Variants in COMMD1 observed in about 807,000 individuals in gnomAD.
COMMD1 encodes the protein copper metabolism domain containing 1.
COMMD1 carries 10 observed loss-of-function variants against 17.2 expected under a neutral mutation model. The observed-to-expected ratio is 0.58, with a 90% CI of 0.36 to 0.99. The LOEUF (loss-of-function observed/expected upper bound fraction) is 0.99. Among genes scored for constraint, COMMD1 ranks in the 50% least tolerant of loss-of-function variants. The pLI, the probability that COMMD1 is intolerant of heterozygous loss-of-function variation, is 0.01. For missense variants in COMMD1, 270 were observed against 231.8 expected, an observed-to-expected ratio of 1.17 and a Z score of -1.07; for synonymous variants, 97 against 91.6, an observed-to-expected ratio of 1.06 and a Z score of -0.34.
chr2:62,132,100 G>A (rs951895178), intron 2 of COMMD1, among the ~76,000 whole-genome samples: 4 of 150,610 alleles, frequency 2.7e-5, no homozygotes, highest in Non-Finnish European at 5.9e-5. Flanking sequence ...TGTTGGTCAG[G>A]CTAGTCTCGA....
intron 1 of COMMD1, among the ~76,000 whole-genome samples, chr2:61,942,104 GTGTT>G (rs1481839031): frequency 1.3e-5 from 2 of 152,004 alleles, no homozygotes; most frequent in African/African-American, 4.8e-5. Flanking sequence ...ACACATCCTC[GTGTT>G]TGTTTATTTA....
chr2:62,015,083 A>G (rs1353763417), intron 2 of COMMD1, among the ~76,000 whole-genome samples: 1 of 152,178 alleles, frequency 6.6e-6, no homozygotes, highest in African/African-American at 2.4e-5. Context: ...CACTGCATCC[A>G]ACCCATTCAT....
At chr2:61,894,110 A>C (rs1044071454) in intron 1 of COMMD1, among the ~76,000 whole-genome samples, 1 of 152,032 alleles carries the variant, frequency 6.6e-6, no homozygotes, top group Non-Finnish European at 1.5e-5. Flanking sequence ...TTATTTATTT[A>C]TTTTTTTGAG....
At chr2:62,120,917 T>C (rs1672724453) in intron 2 of COMMD1, among the ~76,000 whole-genome samples, 1 of 152,084 alleles carries the variant, frequency 6.6e-6, no homozygotes, top group South Asian at 2.1e-4. Context: ...GTTTTTCTTT[T>C]TGTTTTTTTA....
In COMMD1 at chr2:62,028,980, A is replaced by G. The variant is rs184451162; in HGVS notation, c.462+27998A>G. On this transcript the variant is annotated intron_variant, in intron 2 of 2. Transcript: ENST00000311832. ...AGGAAATTGGCTTCACCATCAATTT[A>G]TGAGATAGGTAGGAAGATATGGTTG... is the stretch of plus-strand genomic sequence containing the variant. Among the ~76,000 whole-genome samples, 320 of 152,292 alleles carry G rather than the reference A, an allele frequency of 2.1e-3. 1 individual carries two copies. The highest frequency in any genetic ancestry group is 3.2e-3 in the Non-Finnish European group (220 of 68,006).
intron 2 of COMMD1, among the ~76,000 whole-genome samples, chr2:62,047,680 C>T (rs564014916): frequency 2.1e-4 from 32 of 152,188 alleles, no homozygotes; most frequent in Admixed American, 1.6e-3. Context: ...GTCTCGAACT[C>T]CTGACCTCGT....
intron 2 of COMMD1, among the ~76,000 whole-genome samples, chr2:62,095,992 A>G (rs1671999032): frequency 6.6e-6 from 1 of 150,920 alleles, no homozygotes; most frequent in African/African-American, 2.4e-5. Flanking sequence ...ATGCTCGTGT[A>G]TGTATGTATA....
At chr2:62,012,268 C>CAT (rs1230745111) in intron 2 of COMMD1, among the ~76,000 whole-genome samples, 3 of 95,110 alleles carry the variant, frequency 3.2e-5, no homozygotes, top group Non-Finnish European at 6.4e-5. Context: ...AACACACACA[C>CAT]ATACACACAC....
chr2:61,918,734 T>C (rs961967469), intron 1 of COMMD1: 1 of 152,166 alleles, frequency 6.6e-6, no homozygotes, highest in Non-Finnish European at 1.5e-5. Flanking sequence ...GTCCCTATCT[T>C]ATATATGATA....
chr2:62,000,448 C>T (rs1668897738), intron 1 of COMMD1, among the ~76,000 whole-genome samples: 1 of 151,564 alleles, frequency 6.6e-6, no homozygotes, highest in Admixed American at 6.6e-5. Flanking sequence ...CCACGCACAA[C>T]CATGCCTGGC....
chr2:62,134,970 T>G (rs1673150739), intron 2 of COMMD1, among the ~76,000 whole-genome samples: 1 of 152,188 alleles, frequency 6.6e-6, no homozygotes, highest in Admixed American at 6.5e-5. Context: ...AAGCAACTTG[T>G]CACAATTTCT....
At chr2:62,121,981 C>T (rs1454495530) in intron 2 of COMMD1, among the ~76,000 whole-genome samples, 9 of 151,878 alleles carry the variant, frequency 5.9e-5, no homozygotes, top group South Asian at 2.1e-4. Context: ...TTTGTAGAGA[C>T]GGGGTTGCCA....
At chr2:61,901,484 G>A (rs1009474515), upstream of COMMD1, among the ~76,000 whole-genome samples, 1 of 151,790 alleles carries the variant, frequency 6.6e-6, no homozygotes, top group South Asian at 2.1e-4. Flanking sequence ...TTAGGTCAGC[G>A]TGGTGGTGTG....
intron 2 of COMMD1, among the ~76,000 whole-genome samples, chr2:62,018,141 T>C (rs1325950278): frequency 6.6e-6 from 1 of 151,904 alleles, no homozygotes; most frequent in African/African-American, 2.4e-5. Context: ...TCCCAACACA[T>C]GTATATTGAT....
intron 2 of COMMD1, among the ~76,000 whole-genome samples, chr2:62,055,783 A>G (rs779196440): frequency 3.5e-4 from 54 of 152,206 alleles, no homozygotes; most frequent in Admixed American, 1.3e-3. Context: ...AGAAGGTGGA[A>G]CGTGTTCCTC....
chr2:61,966,966 C>T (rs1671521945), intron 1 of COMMD1, among the ~76,000 whole-genome samples: 2 of 152,092 alleles, frequency 1.3e-5, no homozygotes, highest in Non-Finnish European at 2.9e-5. Flanking sequence ...CCATGAAGAG[C>T]AGTAACATTT....
intron 2 of COMMD1, among the ~76,000 whole-genome samples, chr2:62,028,835 A>G (rs1274136476): frequency 2.6e-5 from 4 of 152,246 alleles, no homozygotes; most frequent in African/African-American, 4.8e-5. Context: ...CATTTCAGTT[A>G]TTTAAGTTCA....
At chr2:62,038,336 C>T (rs1429897805) in intron 2 of COMMD1, among the ~76,000 whole-genome samples, 1 of 151,822 alleles carries the variant, frequency 6.6e-6, no homozygotes, top group Non-Finnish European at 1.5e-5. Context: ...AACCAAAAAA[C>T]GATGAATCAA....
At position 61,969,323 on chromosome 2, in the gene COMMD1, C is replaced by T. The variant is rs115040981; in HGVS notation, c.181-31378C>T. On this transcript the variant is annotated intron_variant, in intron 1 of 2. Transcript: ENST00000311832. ...TTTAATTATATAAATTTATATTTTTCGAGGAAGAAATTCTGATGGCATAAA... is the reference window on the plus strand; with the variant it reads ...TTTAATTATATAAATTTATATTTTTTGAGGAAGAAATTCTGATGGCATAAA... 8.1e-3 allele frequency among the ~76,000 whole-genome samples: 1,229 copies of T among 151,688 alleles called. 23 individuals are homozygous for T. The highest frequency in any genetic ancestry group is 0.029 in the African/African-American group (1,190 of 41,348).
Sources: gnomAD v4.1 joint callset for allele counts (sites outside exome capture counted in the v4.1 genomes callset) on GRCh38, gnomAD v4.1.1 for gene constraint, MANE v1.5 for transcripts, NCBI Gene and HGNC (gene_info 2026-07-23, HGNC 2026-07-21) for gene names.